Variants in EPS15L1 observed in about 807,000 individuals in gnomAD.
EPS15L1 encodes the protein epidermal growth factor receptor substrate 15-like 1.
In EPS15L1, 43 loss-of-function variants were observed where a neutral mutation model predicts 117.1. That is an observed-to-expected ratio of 0.37 (90% CI 0.29 to 0.47). The LOEUF (loss-of-function observed/expected upper bound fraction) is 0.47, where lower values mean the gene tolerates loss of function less well. Ranked by LOEUF, EPS15L1 falls within the 20% of genes least tolerant of loss-of-function variation. EPS15L1 has a pLI of 0.99. For missense variants in EPS15L1, 981 were observed against 1,164.0 expected (o/e 0.84, Z 2.29); for synonymous variants, 459 against 470.5 (o/e 0.98, Z 0.32).
chr19:16,395,355 T>G lies in EPS15L1; in HGVS notation c.1904A>C (p.Asp635Ala). 1.2e-6 allele frequency: 2 copies of G among 1,613,952 alleles called. No individual in the cohort carries two copies. Among genetic ancestry groups the G allele is most frequent in the Non-Finnish European group, 1.7e-6 (2 of 1,179,932 alleles). Reference protein sequence around the residue: ...PFKSDPFKGADPFKGDPFQND... With the variant: ...PFKSDPFKGAAPFKGDPFQND... ...AGCAAGTGAGATACCTTTGAAGGGGTCAGCTCCTTTAAATGGGTCAGATTT... is the reference window on the plus strand; with the variant it reads ...AGCAAGTGAGATACCTTTGAAGGGGGCAGCTCCTTTAAATGGGTCAGATTT... Residue 635 changes from aspartate (D) to alanine (A), a missense_variant, in exon 17 of 24, where the codon GAC becomes GCC. By Grantham distance (126) the Asp-to-Ala change is moderately radical. Coordinates refer to ENST00000455140, the MANE Select transcript of EPS15L1 (RefSeq NM_001258374.3).
At chr19:16,355,937 G>A (rs2091973855) in intron 23 of EPS15L1, 86 bp from the exon 24 acceptor site, 39 of 1,461,682 alleles carry the variant, frequency 2.7e-5, no homozygotes, top group Non-Finnish European at 3.5e-5. Flanking sequence ...CGTGGGAGGG[G>A]TCAGGGTCCT....
At chr19:16,460,583 T>C (rs1352552027) in intron 1 of EPS15L1, among the ~76,000 whole-genome samples, 1 of 152,000 alleles carries the variant, frequency 6.6e-6, no homozygotes, top group Admixed American at 6.6e-5. Flanking sequence ...CAGCAACAAT[T>C]TGCACCCTGG....
At chr19:16,452,129 ACTT>A (rs758483983) in intron 1 of EPS15L1, among the ~76,000 whole-genome samples, 6 of 149,236 alleles carry the variant, frequency 4.0e-5, no homozygotes, top group Admixed American at 6.7e-5. Flanking sequence ...ACAGAGTGAG[ACTT>A]CGTCTCAAAA....
In EPS15L1 at chr19:16,425,083, CTG is replaced by C; in HGVS notation, c.790_791del (p.Gln264AlafsTer16). On this transcript the variant is annotated frameshift_variant and splice_region_variant, in exon 9 of 24. Transcript: ENST00000455140. LOFTEE classifies it high-confidence loss of function. ...LSPKHSLKQT[Q>X]PTVNWVVPVA... ...GCTGTGCCCGCTGAGGGCTCCGTAC[CTG>C]TGTTTGCTTGAGGCTGTGCTTGGGG... 6.2e-7 allele frequency: 1 copy of C among 1,613,516 alleles called. No individual in the cohort carries two copies. The highest frequency in any genetic ancestry group is 8.5e-7 in the Non-Finnish European group (1 of 1,179,422).
intron 22 of EPS15L1, among the ~76,000 whole-genome samples, chr19:16,368,989 G>GA (rs1208433814): frequency 6.6e-6 from 1 of 152,164 alleles, no homozygotes; most frequent in African/African-American, 2.4e-5. Flanking sequence ...CATCCTGCCA[G>GA]AAAAAAAGCT....
intron 22 of EPS15L1, among the ~76,000 whole-genome samples, chr19:16,372,823 C>T (rs1406859730): frequency 6.6e-6 from 1 of 152,206 alleles, no homozygotes; most frequent in Non-Finnish European, 1.5e-5. Context: ...GTTAAGTGAC[C>T]CACCCGGGGC....
chr19:16,374,794 A>G (rs2144689569), intron 22 of EPS15L1, among the ~76,000 whole-genome samples: 1 of 152,364 alleles, frequency 6.6e-6, no homozygotes, highest in East Asian at 1.9e-4. Context: ...ATACGTGCAC[A>G]TGTGTGTAAA....
intron 7 of EPS15L1, among the ~76,000 whole-genome samples, chr19:16,429,227 T>C (rs927742608): frequency 3.3e-5 from 5 of 152,004 alleles, no homozygotes; most frequent in African/African-American, 9.7e-5. Flanking sequence ...TCCCCAGCAG[T>C]GGATGGTGAG....
intron 22 of EPS15L1, among the ~76,000 whole-genome samples, chr19:16,369,849 C>T (rs1455117958): frequency 2.0e-5 from 3 of 152,202 alleles, no homozygotes; most frequent in Admixed American, 6.5e-5. Context: ...CTTTGACATA[C>T]CCTGCGTGAA....
At chr19:16,398,254 T>A (rs2092560923) in intron 16 of EPS15L1, among the ~76,000 whole-genome samples, 1 of 152,198 alleles carries the variant, frequency 6.6e-6, no homozygotes, top group South Asian at 2.1e-4. Context: ...ATCCCTGCCA[T>A]CTGATGAACA....
rs1314225284 is a variant in EPS15L1, at chr19:16,365,672, C to T, written c.2381-3688G>A. ...GGGACAGTGACCTCAGCCAGTCCCT[C>T]GAGCCCCTGCCTGCTTCTGCCCAGC... On this transcript the variant is annotated intron_variant, in intron 22 of 23. Transcript: ENST00000455140. The surrounding 1 kb of genome is among the most constrained non-coding windows in gnomAD (Gnocchi z 4.9). Among the ~76,000 whole-genome samples, 6 of 152,224 alleles carry T rather than the reference C, an allele frequency of 3.9e-5. No individual in the cohort carries two copies. In the South Asian group the frequency reaches 6.2e-4, roughly 16 times the overall value.
Position 16,371,135 on chromosome 19 carries a change from A to G in EPS15L1, c.2380+5987T>C, listed in dbSNP as rs1328837342. On this transcript the variant is annotated intron_variant, in intron 22 of 23. Coordinates refer to ENST00000455140, the MANE Select transcript of EPS15L1 (RefSeq NM_001258374.3). The surrounding 1 kb of genome is among the most constrained non-coding windows in gnomAD (Gnocchi z 4.7). ...CCATTTTTAAAGTGGATCTTGTGCAATCAACAAAAGGTTTTGGGACCCACA... is the reference window on the plus strand; with the variant it reads ...CCATTTTTAAAGTGGATCTTGTGCAGTCAACAAAAGGTTTTGGGACCCACA... Among the ~76,000 whole-genome samples, 1 of 152,218 alleles carries G rather than the reference A, an allele frequency of 6.6e-6. No individual in the cohort carries two copies. The highest frequency in any genetic ancestry group is 1.5e-5 in the Non-Finnish European group (1 of 68,036).
intron 11 of EPS15L1, 141 bp from the exon 12 acceptor site, chr19:16,417,778 T>C: frequency 1.7e-6 from 2 of 1,172,592 alleles, no homozygotes; most frequent in South Asian, 1.4e-5. Flanking sequence ...GCCCCCTGCC[T>C]GGGGAAATAC....
intron 22 of EPS15L1, among the ~76,000 whole-genome samples, chr19:16,373,461 A>C (rs1301655137): frequency 6.6e-6 from 1 of 151,796 alleles, no homozygotes; most frequent in Non-Finnish European, 1.5e-5. Flanking sequence ...CAGCAGTTTG[A>C]AAACGTTGGA....
chr19:16,422,554 T>C (rs1354571807), intron 9 of EPS15L1, among the ~76,000 whole-genome samples: 2 of 152,168 alleles, frequency 1.3e-5, no homozygotes, highest in Non-Finnish European at 2.9e-5. Flanking sequence ...AGGGATCGAT[T>C]GTTCCTTCTC....
intron 13 of EPS15L1, among the ~76,000 whole-genome samples, chr19:16,409,041 G>T (rs2092683075): frequency 6.6e-6 from 1 of 152,060 alleles, no homozygotes; most frequent in South Asian, 2.1e-4. Flanking sequence ...GAGCAATACA[G>T]CGAGACCCTG....
intron 22 of EPS15L1, among the ~76,000 whole-genome samples, chr19:16,373,569 C>T (rs2092254879): frequency 6.6e-6 from 1 of 152,128 alleles, no homozygotes; most frequent in Admixed American, 6.5e-5. Flanking sequence ...TTGTGTCTTC[C>T]TGGCGAACTT....
intron 1 of EPS15L1, among the ~76,000 whole-genome samples, chr19:16,469,709 T>C (rs1250034367): frequency 1.3e-5 from 2 of 152,048 alleles, no homozygotes; most frequent in Non-Finnish European, 2.9e-5. Flanking sequence ...AACACACCCC[T>C]CCTCCCCTAG....
intron 18 of EPS15L1, among the ~76,000 whole-genome samples, chr19:16,393,100 TAATAATAATAA>T (rs1470170833): frequency 6.8e-6 from 1 of 147,658 alleles, no homozygotes; most frequent in African/African-American, 2.5e-5. Flanking sequence ...ATAATAATAA[TAATAATAATAA>T]TAATAATAAT....
Sources: allele counts gnomAD v4.1 joint callset (sites outside exome capture counted in the v4.1 genomes callset), GRCh38; gene constraint gnomAD v4.1.1; non-coding constraint Gnocchi (gnomAD v3.1); transcripts MANE v1.5; gene names NCBI Gene and HGNC (gene_info 2026-07-23, HGNC 2026-07-21).